Variants in LIN9 observed in about 807,000 individuals in gnomAD.
LIN9 encodes protein lin-9 homolog.
LIN9 carries 18 observed loss-of-function variants against 78.0 expected under a neutral mutation model. That is an observed-to-expected ratio of 0.23 (90% confidence interval 0.16 to 0.34). The LOEUF is 0.34. LIN9 is among the 10% of genes least tolerant of loss of function. The pLI, the probability that LIN9 is intolerant of heterozygous loss-of-function variation, is 1.00. For missense variants in LIN9, 451 were observed against 644.1 expected, an observed-to-expected ratio of 0.70 and a Z score of 3.25; for synonymous variants, 192 against 215.2, an observed-to-expected ratio of 0.89 and a Z score of 0.94.
intron 5 of LIN9, among the ~76,000 whole-genome samples, chr1:226,286,934 G>T (rs1661412520): frequency 1.3e-5 from 2 of 152,274 alleles, no homozygotes; most frequent in South Asian, 4.1e-4. Context: ...TAAGCCTATG[G>T]ACAAAAATAA....
chr1:226,268,192 G>T, intron 7 of LIN9, 102 bp from the exon 8 acceptor site: 3 of 1,048,466 alleles, frequency 2.9e-6, no homozygotes, highest in Non-Finnish European at 3.9e-6. Flanking sequence ...ACAGTATTTT[G>T]TCTATTAGAG....
chr1:226,302,153 C>T (rs1662578500), intron 1 of LIN9, among the ~76,000 whole-genome samples: 1 of 152,194 alleles, frequency 6.6e-6, no homozygotes, highest in African/African-American at 2.4e-5. Flanking sequence ...TAATAAACAA[C>T]AGGGGATTCT....
upstream of LIN9, chr1:226,309,355 C>A: frequency 1.0e-6 from 1 of 989,930 alleles, no homozygotes; most frequent in South Asian, 4.7e-5. Flanking sequence ...GCCCCTCCGC[C>A]GCCGCCTCCG....
chr1:226,259,381 A>T (rs1334954722), intron 10 of LIN9, among the ~76,000 whole-genome samples: 1 of 152,202 alleles, frequency 6.6e-6, no homozygotes, highest in Non-Finnish European at 1.5e-5. Context: ...CCTCTATCAG[A>T]AATGAACAGA....
In LIN9 at chr1:226,278,888, G is replaced by A. The variant is rs143587594; in HGVS notation, c.525-956C>T. ...TGTAATCCCAGCACTTTGGGAGGCC[G>A]AGGCGGGTAGATATCGAGGTCAGGA... On this transcript the variant is annotated intron_variant, in intron 6 of 14. Transcript: ENST00000681046. Among the ~76,000 whole-genome samples, 997 of 150,604 alleles carry A rather than the reference G, an allele frequency of 6.6e-3. 10 individuals carry two copies. The highest frequency in any genetic ancestry group is 0.023 in the African/African-American group (954 of 41,004).
chr1:226,306,768 ACTG>A (rs1291118904), intron 1 of LIN9, among the ~76,000 whole-genome samples: 2 of 152,324 alleles, frequency 1.3e-5, no homozygotes, highest in South Asian at 2.1e-4. Flanking sequence ...CAAAAAACAT[ACTG>A]CTATTTCCAG....
chr1:226,258,894 C>CAAAAAA lies in LIN9; in HGVS notation c.1038+6633_1038+6638dup, dbSNP rs770169450. ...GTGACAGAGCAAGACTCTGTCTCAA[C>CAAAAAA]AAAAAAAAAAAAAAAAAAAAAAAAA... On this transcript the variant is annotated intron_variant, in intron 10 of 14. Transcript: ENST00000681046. 1.4e-3 allele frequency among the ~76,000 whole-genome samples: 78 copies of CAAAAAA among 54,778 alleles called. 8 individuals carry two copies. The highest frequency in any genetic ancestry group is 3.4e-3 in the African/African-American group (44 of 12,760). The allele number at this position is 54,778 out of a possible 152,430, so 35.9% of individuals were successfully genotyped here.
chr1:226,246,948 T>C (rs1658523606), intron 11 of LIN9, among the ~76,000 whole-genome samples: 1 of 152,150 alleles, frequency 6.6e-6, no homozygotes, highest in African/African-American at 2.4e-5. Flanking sequence ...TTTTGTCCCA[T>C]TCTTTCTTTT....
intron 6 of LIN9, among the ~76,000 whole-genome samples, chr1:226,281,735 C>T (rs530945410): frequency 1.4e-4 from 21 of 150,856 alleles, no homozygotes; most frequent in African/African-American, 4.6e-4. Flanking sequence ...GCTCTGTTGC[C>T]CAGGCTGGAG....
At chr1:226,268,289 C>T (rs1660056410) in intron 7 of LIN9, among the ~76,000 whole-genome samples, 199 bp from the exon 8 acceptor site, 1 of 151,774 alleles carries the variant, frequency 6.6e-6, no homozygotes, top group Non-Finnish European at 1.5e-5. Flanking sequence ...AATGATGATC[C>T]CTAATTTCAT....
At chr1:226,260,374 A>G (rs1430214744) in intron 10 of LIN9, among the ~76,000 whole-genome samples, 1 of 152,140 alleles carries the variant, frequency 6.6e-6, no homozygotes, top group Non-Finnish European at 1.5e-5. Flanking sequence ...ACAAAGACAC[A>G]GTGAAAGAAA....
chr1:226,297,920 G>A, intron 2 of LIN9, 107 bp from the exon 3 acceptor site: 25 of 432,096 alleles, frequency 5.8e-5, no homozygotes, highest in South Asian at 1.5e-4. Context: ...TATTTAATAT[G>A]GAAAAAATAT....
chr1:226,272,493 G>A (rs1430071096), intron 7 of LIN9, among the ~76,000 whole-genome samples: 4 of 148,822 alleles, frequency 2.7e-5, no homozygotes, highest in South Asian at 2.1e-4. Context: ...GATCGTCTCA[G>A]CGTCCTGAGT....
At chr1:226,308,920 AAC>A in intron 1 of LIN9, 187 bp downstream of exon 1, 3 of 419,560 alleles carry the variant, frequency 7.2e-6, no homozygotes, top group Middle Eastern at 7.0e-4. Context: ...CCCAGAAACC[AAC>A]ACACAGACAC....
At chr1:226,275,839 A>G (rs1163023769) in intron 7 of LIN9, among the ~76,000 whole-genome samples, 2 of 152,190 alleles carry the variant, frequency 1.3e-5, no homozygotes, top group Non-Finnish European at 2.9e-5. Flanking sequence ...AGCCTGGCCA[A>G]CTTGGTGGAA....
chr1:226,290,880 C>T (rs934462663), intron 4 of LIN9, among the ~76,000 whole-genome samples: 2 of 152,116 alleles, frequency 1.3e-5, no homozygotes, highest in Non-Finnish European at 2.9e-5. Flanking sequence ...CCTCAGCCTC[C>T]CGAGTAGCTG....
chr1:226,248,068 T>A (rs144561886), intron 11 of LIN9, among the ~76,000 whole-genome samples: 4 of 152,176 alleles, frequency 2.6e-5, no homozygotes, highest in Non-Finnish European at 4.4e-5. Context: ...GGAAGGTTAA[T>A]CCAAATTACC....
intron 10 of LIN9, among the ~76,000 whole-genome samples, chr1:226,259,012 C>T (rs1268872946): frequency 2.0e-5 from 3 of 149,380 alleles, no homozygotes; most frequent in Admixed American, 2.0e-4. Flanking sequence ...GCTCTGTCAC[C>T]CAGGCCAGAG....
chr1:226,286,819 T>C (rs920955966), intron 5 of LIN9, among the ~76,000 whole-genome samples: 18 of 152,216 alleles, frequency 1.2e-4, no homozygotes, highest in African/African-American at 4.3e-4. Context: ...GAGTCCTCTT[T>C]GGAATTAAAC....
Sources: gnomAD v4.1 joint callset for allele counts (sites outside exome capture counted in the v4.1 genomes callset) on GRCh38, gnomAD v4.1.1 for gene constraint, MANE v1.5 for transcripts, NCBI Gene and HGNC (gene_info 2026-07-23, HGNC 2026-07-21) for gene names.